PRC1: variants seen among roughly 807,000 people sequenced by gnomAD.
PRC1 encodes protein regulator of cytokinesis 1, also known as anaphase spindle elongation 1 homolog.
PRC1 carries 54 observed loss-of-function variants against 91.2 expected under a neutral mutation model. The ratio of observed to expected loss-of-function variants is 0.59; its 90% confidence interval spans 0.48 to 0.74. The LOEUF (loss-of-function observed/expected upper bound fraction) is 0.74. Ranked by LOEUF, PRC1 falls within the 30% of genes least tolerant of loss-of-function variation. PRC1 has a pLI of 0.00. For missense variants in PRC1, 727 were observed against 746.2 expected (o/e 0.97, Z 0.30); for synonymous variants, 275 against 263.6 (o/e 1.04, Z -0.42).
chr15:90,976,614 G>A lies in PRC1; in HGVS notation c.1203+62C>T. On this transcript the variant is annotated intron_variant, in intron 9 of 14. Transcript: ENST00000394249. ...TGGGGCTAAACAATAGAAAGAAAAA[G>A]ACATACAAATAGTGAGGTATCTTTG... 7 of 1,297,496 alleles carry A rather than the reference G, an allele frequency of 5.4e-6. No homozygotes were observed. In the South Asian group the frequency reaches 8.8e-5, roughly 16 times the overall value. 80.4% of individuals were successfully genotyped at this position (1,297,496 alleles called of 1,614,324 possible). A position where few individuals can be genotyped will look rare whatever the true frequency, so the allele number is the denominator to read the frequency against.
chr15:90,984,205 C>A lies in PRC1; in HGVS notation c.145-65G>T. ...AGGAAAAAAACTCCCAACACCAATA[C>A]CAAACTCCTCAAATTTCTTTTTTCT... On this transcript the variant is annotated intron_variant, in intron 2 of 14. Transcript: ENST00000394249. This position sits in a 1 kb window ranked among gnomAD's most constrained non-coding sequence, Gnocchi z 5.1. 6.4e-7 allele frequency: 1 copy of A among 1,560,400 alleles called. No homozygotes were observed. Among genetic ancestry groups the A allele is most frequent in the Non-Finnish European group, 8.7e-7 (1 of 1,148,854 alleles).
At chr15:90,985,887 T>C (rs2039541386) in intron 1 of PRC1, 1 of 151,542 alleles carries the variant, frequency 6.6e-6, no homozygotes, top group South Asian at 2.1e-4. Flanking sequence ...GGGGTTTCAC[T>C]ACGTTGGCCA....
chr15:90,981,689 C>T lies in PRC1; in HGVS notation c.502-20G>A. ...AGAAGCCTTTAAAACAAAGCAATTA[C>T]AAGATACCTAGAGGAAAACCAAAGT... is the stretch of plus-strand genomic sequence containing the variant. On this transcript the variant is annotated intron_variant, in intron 4 of 14. Transcript: ENST00000394249. 1.9e-6 allele frequency: 3 copies of T among 1,610,888 alleles called. No individual in the cohort carries two copies. The highest frequency in any genetic ancestry group is 2.5e-6 in the Non-Finnish European group (3 of 1,177,490).
chr15:90,973,571 TGCC>T (rs2038376470), intron 11 of PRC1, among the ~76,000 whole-genome samples: 2 of 151,806 alleles, frequency 1.3e-5, no homozygotes, highest in African/African-American at 4.8e-5. Flanking sequence ...GTCTCCTGCA[TGCC>T]CCTGGGAACG....
At chr15:90,979,384 G>C (rs1320808082) in intron 7 of PRC1, 90 bp from the exon 8 acceptor site, 2 of 1,390,568 alleles carry the variant, frequency 1.4e-6, no homozygotes, top group Non-Finnish European at 2.0e-6. Context: ...AATGGAAATA[G>C]ATTCTTTCCT....
intron 1 of PRC1, among the ~76,000 whole-genome samples, chr15:90,991,450 C>T (rs2039976962): frequency 6.6e-6 from 1 of 151,526 alleles, no homozygotes; most frequent in Admixed American, 6.6e-5. Context: ...AAAAATTTTA[C>T]TAATATATAA....
intron 1 of PRC1, among the ~76,000 whole-genome samples, chr15:90,993,869 A>G (rs2040127113): frequency 2.0e-5 from 3 of 152,182 alleles, no homozygotes; most frequent in South Asian, 4.1e-4. Context: ...GATTACTTGA[A>G]GCCAGGAGTT....
rs761419673 is a variant in PRC1 at position 90,974,157 on chromosome 15, A to C, written c.1440T>G (p.Asn480Lys). Residue 480 changes from asparagine to lysine, a missense_variant, in exon 11 of 15, where the codon AAT becomes AAG. Coordinates refer to ENST00000394249, the MANE Select transcript of PRC1 (RefSeq NM_003981.4). The surrounding 1 kb of genome is among the most constrained non-coding windows in gnomAD (Gnocchi z 4.6). ...TPSKRRGLAP[N>K]TPGKARKLNT... is the part of the protein sequence containing the mutation. ...TTACCTTACGTGCTTTGCCCGGTGT[A>C]TTGGGAGCCAGTCCTCGCCGCTTGC... 2 of 1,613,826 alleles carry C rather than the reference A, an allele frequency of 1.2e-6. No homozygotes were observed. The highest frequency in any genetic ancestry group is 2.7e-5 in the African/African-American group (2 of 74,876).
chr15:90,971,985 G>A (rs535502154), intron 11 of PRC1, among the ~76,000 whole-genome samples: 4 of 151,828 alleles, frequency 2.6e-5, no homozygotes, highest in Non-Finnish European at 4.4e-5. Flanking sequence ...CTGAGATTGC[G>A]CCACTGCACT....
intron 11 of PRC1, among the ~76,000 whole-genome samples, chr15:90,973,524 C>T (rs902194161): frequency 6.6e-6 from 1 of 152,046 alleles, no homozygotes; most frequent in Non-Finnish European, 1.5e-5. Context: ...CACCCGTCGT[C>T]TGTGCTCAGG....
intron 7 of PRC1, among the ~76,000 whole-genome samples, chr15:90,979,844 T>C (rs528489282): frequency 1.3e-5 from 2 of 152,346 alleles, no homozygotes; most frequent in East Asian, 1.9e-4. Context: ...TATTAAGGGT[T>C]TGACACTGCA....
chr15:90,981,727 G>C, intron 4 of PRC1, 21 bp downstream of exon 4: 3 of 1,608,364 alleles, frequency 1.9e-6, no homozygotes, highest in Non-Finnish European at 2.6e-6. Flanking sequence ...CTTTTAGGAA[G>C]AACAAATGTA....
chr15:90,983,926 G>A (rs2039393235), intron 3 of PRC1, 92 bp downstream of exon 3: 3 of 1,500,068 alleles, frequency 2.0e-6, no homozygotes, highest in Non-Finnish European at 2.7e-6. Context: ...ATCCCTACGA[G>A]GAAGCCTTCC....
chr15:90,983,848 G>A, intron 3 of PRC1, 170 bp downstream of exon 3: 1 of 831,232 alleles, frequency 1.2e-6, no homozygotes, highest in Non-Finnish European at 1.8e-6. Context: ...CTCTACAGAG[G>A]TGAGAATTAC....
Position 90,966,919 on chromosome 15 carries a change from A to C in PRC1, c.*212T>G. 1.7e-6 allele frequency: 1 copy of C among 583,372 alleles called. No homozygotes were observed. Among genetic ancestry groups the C allele is most frequent in the South Asian group, 2.1e-5 (1 of 48,452 alleles). 36.1% of individuals were successfully genotyped at this position (583,372 alleles called of 1,614,324 possible). A position where few individuals can be genotyped will look rare whatever the true frequency, so the allele number is the denominator to read the frequency against. ...ACTTCTTGCCATAAACTTTTCATGT[A>C]TATAAGTCAAAACCAAGTCTCCTAG... is the stretch of plus-strand genomic sequence containing the variant. On this transcript the variant is annotated 3_prime_UTR_variant, in exon 15 of 15. Coordinates refer to ENST00000394249, the MANE Select transcript of PRC1 (RefSeq NM_003981.4).
chr15:90,966,383 T>C lies in PRC1; in HGVS notation c.*748A>G, dbSNP rs1205176012. ...CCCATTGGAACAAACAGACTCCCAATGTGGCTGGCAACTGCGGGGGTAGAA... is the reference window on the plus strand; with the variant it reads ...CCCATTGGAACAAACAGACTCCCAACGTGGCTGGCAACTGCGGGGGTAGAA... On this transcript the variant is annotated 3_prime_UTR_variant, in exon 15 of 15. Coordinates refer to ENST00000394249, the MANE Select transcript of PRC1 (RefSeq NM_003981.4). The C allele has an allele frequency of 1.5e-5, 5 of 338,006 alleles. No homozygotes were observed. Among genetic ancestry groups the C allele is most frequent in the Non-Finnish European group, 3.0e-5 (5 of 168,626 alleles). The allele number at this position is 338,006 out of a possible 1,614,324, so 20.9% of individuals were successfully genotyped here. A position where few individuals can be genotyped will look rare whatever the true frequency, so the allele number is the denominator to read the frequency against.
intron 14 of PRC1, chr15:90,968,627 T>C: frequency 2.0e-6 from 2 of 999,012 alleles, no homozygotes; most frequent in Non-Finnish European, 2.4e-6. Context: ...AAATCAGCAT[T>C]AGCTAGCTGA....
rs1171863902 is a variant in PRC1 at position 90,974,413 on chromosome 15, C to A, written c.1351-167G>T. Among the ~76,000 whole-genome samples, 2 of 152,052 alleles carry A rather than the reference C, an allele frequency of 1.3e-5. No individual in the cohort carries two copies. The highest frequency in any genetic ancestry group is 4.8e-5 in the African/African-American group (2 of 41,386). Reference sequence around the variant, plus strand: ...CCCCGGTCCCCGGCTCCCCGTTCCACAAGCCCCGGTCCCCGGCTCCCCGTT... The same window carrying A: ...CCCCGGTCCCCGGCTCCCCGTTCCAAAAGCCCCGGTCCCCGGCTCCCCGTT... On this transcript the variant is annotated intron_variant, in intron 10 of 14. Coordinates refer to ENST00000394249, the MANE Select transcript of PRC1 (RefSeq NM_003981.4). This position sits in a 1 kb window ranked among gnomAD's most constrained non-coding sequence, Gnocchi z 4.6.
At chr15:90,986,822 C>A (rs2039610741) in intron 1 of PRC1, among the ~76,000 whole-genome samples, 1 of 150,908 alleles carries the variant, frequency 6.6e-6, no homozygotes, top group Non-Finnish European at 1.5e-5. Flanking sequence ...ATGAATTATA[C>A]CTCAAATCTT....
Sources: allele counts gnomAD v4.1 joint callset (sites outside exome capture counted in the v4.1 genomes callset), GRCh38; gene constraint gnomAD v4.1.1; non-coding constraint Gnocchi (gnomAD v3.1); transcripts MANE v1.5; gene names NCBI Gene and HGNC (gene_info 2026-07-23, HGNC 2026-07-21).